Variants in ARHGEF7 observed in about 807,000 individuals in gnomAD.
ARHGEF7 encodes the protein Rho guanine nucleotide exchange factor 7.
A neutral mutation model predicts 109.8 loss-of-function variants in ARHGEF7; 33 were observed. The observed-to-expected ratio is 0.30, with a 90% CI of 0.23 to 0.40. The LOEUF is 0.40. Ranked by LOEUF, ARHGEF7 falls within the 10% of genes least tolerant of loss-of-function variation. The pLI is 1.00. For missense variants in ARHGEF7, 938 were observed against 1,098.5 expected, an observed-to-expected ratio of 0.85 and a Z score of 2.07; for synonymous variants, 458 against 424.6, an observed-to-expected ratio of 1.08 and a Z score of -0.97.
chr13:111,262,604 T>G (rs79006943), intron 8 of ARHGEF7, among the ~76,000 whole-genome samples: 1,716 of 152,332 alleles, frequency 0.011, 28 homozygotes, highest in African/African-American at 0.039. Context: ...AATCACTTGT[T>G]GATGAACTGA....
chr13:111,204,795 T>G (rs1040145758), intron 2 of ARHGEF7, among the ~76,000 whole-genome samples: 9 of 152,322 alleles, frequency 5.9e-5, no homozygotes, highest in African/African-American at 2.2e-4. Context: ...TGTCCTCCTT[T>G]TACCCTCACA....
intron 1 of ARHGEF7, among the ~76,000 whole-genome samples, chr13:111,134,723 T>C (rs1957377065): frequency 1.3e-5 from 2 of 152,180 alleles, no homozygotes; most frequent in Admixed American, 1.3e-4. Flanking sequence ...ATTGCAAAAA[T>C]TTTCTTCCAT....
chr13:111,252,585 C>T (rs1307145491), intron 8 of ARHGEF7, among the ~76,000 whole-genome samples: 2 of 152,210 alleles, frequency 1.3e-5, no homozygotes, highest in African/African-American at 4.8e-5. Flanking sequence ...TTTTCAAATA[C>T]TTTAACGGCA....
intron 8 of ARHGEF7, among the ~76,000 whole-genome samples, chr13:111,259,726 A>G (rs868382004): frequency 1.2e-4 from 19 of 152,216 alleles, no homozygotes; most frequent in African/African-American, 4.6e-4. Flanking sequence ...GACACTGACA[A>G]ACATCCACAA....
chr13:111,300,898 G>A, intron 20 of ARHGEF7, 51 bp downstream of exon 20: 1 of 1,259,364 alleles, frequency 7.9e-7, no homozygotes, highest in Non-Finnish European at 1.1e-6. Flanking sequence ...CTGCGGTGGG[G>A]TAGTAGAGTC....
chr13:111,226,915 T>C (rs1263487179), intron 5 of ARHGEF7, among the ~76,000 whole-genome samples: 3 of 152,160 alleles, frequency 2.0e-5, no homozygotes, highest in African/African-American at 7.2e-5. Flanking sequence ...AATATCAACA[T>C]CAACAGGAGT....
intron 2 of ARHGEF7, among the ~76,000 whole-genome samples, chr13:111,181,097 T>C (rs1341564230): frequency 6.6e-6 from 1 of 152,230 alleles, no homozygotes; most frequent in Non-Finnish European, 1.5e-5. Flanking sequence ...TAATTGTTTA[T>C]CTCTTAGTGG....
chr13:111,203,079 A>T (rs1392276187), intron 2 of ARHGEF7: 2 of 1,282,818 alleles, frequency 1.6e-6, no homozygotes, highest in Non-Finnish European at 1.0e-6. Context: ...ACATCCTGTT[A>T]TTCTGGGTTT....
At chr13:111,292,051 G>T in intron 18 of ARHGEF7, 67 bp from the exon 19 acceptor site, 3 of 1,359,728 alleles carry the variant, frequency 2.2e-6, no homozygotes, top group South Asian at 1.2e-5. Flanking sequence ...TTTGGTTGTG[G>T]CTCTTCCTGT....
At position 111,221,327 on chromosome 13, in the gene ARHGEF7, ATGTCTATATATATCTATATATATGTC is replaced by A. The variant is rs2083971303; in HGVS notation, c.670+3449_670+3474del. Among the ~76,000 whole-genome samples, 2 of 18,036 alleles carry A rather than the reference ATGTCTATATATATCTATATATATGTC, an allele frequency of 1.1e-4. 1 individual carries two copies. Among genetic ancestry groups the A allele is most frequent in the Non-Finnish European group, 2.1e-4 (2 of 9,456 alleles). The allele number at this position is 18,036 out of a possible 152,430, so 11.8% of individuals were successfully genotyped here. A position where few individuals can be genotyped will look rare whatever the true frequency, so the allele number is the denominator to read the frequency against. On this transcript the variant is annotated intron_variant, in intron 5 of 21. Coordinates refer to ENST00000646102, the MANE Select transcript of ARHGEF7 (RefSeq NM_001354046.2). Reference sequence around the variant, plus strand: ...TATATATATCTATATATAGATATATATGTCTATATATATCTATATATATGTCTATATATATATCTATATATATATCT... The same window carrying A: ...TATATATATCTATATATAGATATATATATATATATATCTATATATATATCT...
chr13:111,302,993 C>G lies in ARHGEF7; in HGVS notation c.2469C>G (p.Asp823Glu). Residue 823 changes from aspartate to glutamate, a missense_variant and splice_region_variant, in exon 22 of 22, where the codon GAC becomes GAG. By Grantham distance (45) the Asp-to-Glu change is conservative. Transcript: ENST00000646102. ...LKDEVQELRQ[D>E]NKKMKKSLEE... ...CCTGTGGTCTGCTTAATTTACAGGACAACAAAAAGATGAAGAAATCTCTAG... is the reference window on the plus strand; with the variant it reads ...CCTGTGGTCTGCTTAATTTACAGGAGAACAAAAAGATGAAGAAATCTCTAG... 6.2e-7 allele frequency: 1 copy of G among 1,614,004 alleles called. No individual in the cohort carries two copies. Among genetic ancestry groups the G allele is most frequent in the Non-Finnish European group, 8.5e-7 (1 of 1,179,958 alleles).
At chr13:111,133,124 TA>T (rs2074861374) in intron 1 of ARHGEF7, among the ~76,000 whole-genome samples, 1 of 152,156 alleles carries the variant, frequency 6.6e-6, no homozygotes, top group African/African-American at 2.4e-5. Flanking sequence ...TCTACACATT[TA>T]TACACGTGCA....
chr13:111,212,947 A>G (rs1373750919), intron 4 of ARHGEF7, among the ~76,000 whole-genome samples: 1 of 152,192 alleles, frequency 6.6e-6, no homozygotes. Context: ...AGCTTAGAGA[A>G]GATATTTACC....
intron 3 of ARHGEF7, among the ~76,000 whole-genome samples, chr13:111,205,747 G>A (rs545617043): frequency 9.9e-4 from 150 of 152,194 alleles, no homozygotes; most frequent in Non-Finnish European, 1.6e-3. Context: ...GTGGGCAGAA[G>A]TTTTGAGCTG....
chr13:111,210,251 G>A (rs758234921), intron 4 of ARHGEF7, among the ~76,000 whole-genome samples: 2 of 152,138 alleles, frequency 1.3e-5, no homozygotes, highest in Non-Finnish European at 2.9e-5. Context: ...CTCATGACTC[G>A]ATATCTGGAG....
chr13:111,155,359 AC>A (rs1343995216), intron 2 of ARHGEF7, among the ~76,000 whole-genome samples: 16 of 152,242 alleles, frequency 1.1e-4, no homozygotes, highest in African/African-American at 3.9e-4. Context: ...ATTGAATTAG[AC>A]ATGTAGGAAT....
intron 2 of ARHGEF7, among the ~76,000 whole-genome samples, chr13:111,201,742 G>A (rs1407557416): frequency 6.6e-6 from 1 of 152,182 alleles, no homozygotes; most frequent in Non-Finnish European, 1.5e-5. Flanking sequence ...CAGGGCTGTA[G>A]CAAGCAGGTG....
In ARHGEF7 at chr13:111,273,002, C is replaced by T. The variant is rs1240162907; in HGVS notation, c.1074-812C>T. ...ACTGTAGGGAAAGATAGGCGAGGCA[C>T]TGTGAAGGGGATGGTTGAAGAGGAA... On this transcript the variant is annotated intron_variant, in intron 9 of 21. Transcript: ENST00000646102. The surrounding 1 kb of genome is among the most constrained non-coding windows in gnomAD (Gnocchi z 4.5). Among the ~76,000 whole-genome samples, 1 of 152,010 alleles carries T rather than the reference C, an allele frequency of 6.6e-6. No homozygotes were observed. The highest frequency in any genetic ancestry group is 2.4e-5 in the African/African-American group (1 of 41,388).
Position 111,133,286 on chromosome 13 carries a change from G to A in ARHGEF7, c.165+17595G>A, listed in dbSNP as rs75188379. On this transcript the variant is annotated intron_variant, in intron 1 of 21. Coordinates refer to ENST00000646102, the MANE Select transcript of ARHGEF7 (RefSeq NM_001354046.2). ...AGTATATACACACCTCTATATGCAC[G>A]TATCTATAAACACATATGCCTATAC... Among the ~76,000 whole-genome samples, 483 of 151,814 alleles carry A rather than the reference G, an allele frequency of 3.2e-3. 3 individuals carry two copies. The highest frequency in any genetic ancestry group is 4.7e-3 in the Non-Finnish European group (318 of 67,960).
Sources: gnomAD v4.1 joint callset for allele counts (sites outside exome capture counted in the v4.1 genomes callset) on GRCh38, gnomAD v4.1.1 for gene constraint, Gnocchi (gnomAD v3.1) non-coding constraint, MANE v1.5 for transcripts, NCBI Gene and HGNC (gene_info 2026-07-23, HGNC 2026-07-21) for gene names.